MAP3K4: variants seen among roughly 807,000 people sequenced by gnomAD.
MAP3K4 encodes MAP three kinase 1.
In MAP3K4, 67 loss-of-function variants were observed where a neutral mutation model predicts 185.6. That is an observed-to-expected ratio of 0.36 (90% CI 0.30 to 0.44). MAP3K4 has a LOEUF of 0.44. MAP3K4 is among the 20% of genes least tolerant of loss of function. The pLI is 1.00. For synonymous variants in MAP3K4, 702 were observed against 710.4 expected, an observed-to-expected ratio of 0.99 and a Z score of 0.19; for missense variants, 1,551 against 1,995.1, an observed-to-expected ratio of 0.78 and a Z score of 4.24.
intron 1 of MAP3K4, among the ~76,000 whole-genome samples, chr6:161,011,970 T>C (rs1384611670): frequency 6.6e-6 from 1 of 152,196 alleles, no homozygotes; most frequent in East Asian, 1.9e-4. Flanking sequence ...GCCTAGTGAC[T>C]GAGTCCTTTA....
chr6:161,080,732 G>A lies in MAP3K4; in HGVS notation c.2098-149G>A. ...CTCATTTAGACCTCAGCTAACAGTG[G>A]TGAGAACCTTGCTTCTGTCGGTGCT... On this transcript the variant is annotated intron_variant, in intron 5 of 26. Transcript: ENST00000392142. The surrounding 1 kb of genome is among the most constrained non-coding windows in gnomAD (Gnocchi z 4.8). The A allele has an allele frequency of 3.1e-6, 2 of 650,574 alleles. No individual in the cohort carries two copies. Among genetic ancestry groups the A allele is most frequent in the Non-Finnish European group, 5.4e-6 (2 of 368,884 alleles). The allele number at this position is 650,574 out of a possible 1,614,324, so 40.3% of individuals were successfully genotyped here. A position where few individuals can be genotyped will look rare whatever the true frequency, so the allele number is the denominator to read the frequency against.
intron 6 of MAP3K4, 26 bp downstream of exon 6, chr6:161,081,064 C>G (rs755113070): frequency 2.5e-6 from 4 of 1,608,472 alleles, no homozygotes; most frequent in Non-Finnish European, 3.4e-6. Context: ...CTTCTGAACG[C>G]GACGCTCCCA....
At position 161,097,064 on chromosome 6, in the gene MAP3K4, C is replaced by T. The variant is rs781306349; in HGVS notation, c.3428-16C>T. 5 of 1,609,368 alleles carry T rather than the reference C, an allele frequency of 3.1e-6. No homozygotes were observed. The South Asian group carries it at 5.5e-5, about 18-fold the overall frequency. On this transcript the variant is annotated splice_polypyrimidine_tract_variant and intron_variant, in intron 15 of 26. Transcript: ENST00000392142. This position sits in a 1 kb window ranked among gnomAD's most constrained non-coding sequence, Gnocchi z 4.9. ...CCATATTAACAAGTTGCATTTGTTGCCATTTTTGCTGGCAGCCATTCATCG... is the reference window on the plus strand; with the variant it reads ...CCATATTAACAAGTTGCATTTGTTGTCATTTTTGCTGGCAGCCATTCATCG...
chr6:161,041,642 CG>C (rs1364817445), intron 2 of MAP3K4, among the ~76,000 whole-genome samples: 1 of 152,182 alleles, frequency 6.6e-6, no homozygotes, highest in Non-Finnish European at 1.5e-5. Context: ...CCTGATGCCT[CG>C]GACATGGCCC....
At chr6:161,014,385 T>G (rs1002630972) in intron 1 of MAP3K4, among the ~76,000 whole-genome samples, 1 of 152,236 alleles carries the variant, frequency 6.6e-6, no homozygotes, top group Non-Finnish European at 1.5e-5. Flanking sequence ...GTAAGTAGGT[T>G]TGCTTTCCTT....
At chr6:161,055,959 T>C (rs1343491126) in intron 3 of MAP3K4, among the ~76,000 whole-genome samples, 1 of 152,254 alleles carries the variant, frequency 6.6e-6, no homozygotes, top group Non-Finnish European at 1.5e-5. Flanking sequence ...TTTCTCCAGA[T>C]GGAAGTTTTG....
Position 161,086,228 on chromosome 6 carries a change from T to A in MAP3K4, c.2373-151T>A. ...CAGGCTTCTGAATGTTTTGACTACA[T>A]CTTCAATAATAGTTTGTTCCCATTT... is the stretch of plus-strand genomic sequence containing the variant. On this transcript the variant is annotated intron_variant, in intron 7 of 26. Transcript: ENST00000392142. The surrounding 1 kb of genome is among the most constrained non-coding windows in gnomAD (Gnocchi z 4.8). 1 of 494,350 alleles carries A rather than the reference T, an allele frequency of 2.0e-6. No homozygotes were observed. The highest frequency in any genetic ancestry group is 3.6e-6 in the Non-Finnish European group (1 of 280,458). 30.6% of individuals were successfully genotyped at this position (494,350 alleles called of 1,614,324 possible). A position where few individuals can be genotyped will look rare whatever the true frequency, so the allele number is the denominator to read the frequency against.
intron 3 of MAP3K4, among the ~76,000 whole-genome samples, chr6:161,059,100 A>G (rs2314378): frequency 0.21 from 32,309 of 151,972 alleles, 4,731 homozygotes; most frequent in African/African-American, 0.42. Flanking sequence ...CCTCATTTTT[A>G]TAACCATGAT....
rs181155238 is a variant in MAP3K4 at position 161,048,447 on chromosome 6, C to T, written c.344-169C>T. Among the ~76,000 whole-genome samples the T allele has an allele frequency of 2.9e-3, 447 of 152,082 alleles. 4 individuals are homozygous for T. The highest frequency in any genetic ancestry group is 0.01 in the African/African-American group (433 of 41,476). On this transcript the variant is annotated intron_variant, in intron 2 of 26. Transcript: ENST00000392142. The surrounding 1 kb of genome is among the most constrained non-coding windows in gnomAD (Gnocchi z 4.7). ...ATTTTTTTTAAAATATAGAAAATGT[C>T]ATATATATTTTTTGATTCCTTTAAT... is the stretch of plus-strand genomic sequence containing the variant.
chr6:161,054,236 C>G lies in MAP3K4; in HGVS notation c.1707+4257C>G, dbSNP rs1467985708. On this transcript the variant is annotated intron_variant, in intron 3 of 26. Transcript: ENST00000392142. The surrounding 1 kb of genome is among the most constrained non-coding windows in gnomAD (Gnocchi z 4.2). Reference sequence around the variant, plus strand: ...ATGGCGCTATCTCAGCTCCCTGAGACCTTTGCCTTGGGGGTTCAGGCTATT... The same window carrying G: ...ATGGCGCTATCTCAGCTCCCTGAGAGCTTTGCCTTGGGGGTTCAGGCTATT... 6.6e-6 allele frequency among the ~76,000 whole-genome samples: 1 copy of G among 152,024 alleles called. No individual in the cohort carries two copies. Among genetic ancestry groups the G allele is most frequent in the Non-Finnish European group, 1.5e-5 (1 of 68,026 alleles).
chr6:161,038,838 C>T (rs188342133), intron 2 of MAP3K4, among the ~76,000 whole-genome samples: 8 of 152,294 alleles, frequency 5.3e-5, no homozygotes, highest in East Asian at 1.9e-4. Flanking sequence ...CAAACATCCA[C>T]GATGGCTCCC....
At chr6:161,025,056 A>G (rs1043522652) in intron 1 of MAP3K4, among the ~76,000 whole-genome samples, 2 of 152,006 alleles carry the variant, frequency 1.3e-5, no homozygotes, top group Admixed American at 6.6e-5. Context: ...GTAGTTATCA[A>G]TATGGGCTCA....
rs1189573700 is a variant in MAP3K4, at chr6:161,109,717, A to G, written c.4237-38A>G. ...TTTTCACTAGCGTACATCTAAGGAAAACCGTAAACACAGAGCTGCCCTTTA... is the reference window on the plus strand; with the variant it reads ...TTTTCACTAGCGTACATCTAAGGAAGACCGTAAACACAGAGCTGCCCTTTA... On this transcript the variant is annotated intron_variant, in intron 22 of 26. Transcript: ENST00000392142. This position sits in a 1 kb window ranked among gnomAD's most constrained non-coding sequence, Gnocchi z 5.7. 1 of 1,612,368 alleles carries G rather than the reference A, an allele frequency of 6.2e-7. No homozygotes were observed. The highest frequency in any genetic ancestry group is 1.7e-5 in the Admixed American group (1 of 59,930).
rs914975283 is a variant in MAP3K4 at position 161,084,797 on chromosome 6, G to T, written c.2372+180G>T. Among the ~76,000 whole-genome samples the T allele has an allele frequency of 6.6e-6, 1 of 152,172 alleles. No homozygotes were observed. Among genetic ancestry groups the T allele is most frequent in the South Asian group, 2.1e-4 (1 of 4,836 alleles). ...CTTTTCATGTGATTTCTTAGTTATG[G>T]TTTTATGTGAAATTTTCTTTGAAGG... On this transcript the variant is annotated intron_variant, in intron 7 of 26. Coordinates refer to ENST00000392142, the MANE Select transcript of MAP3K4 (RefSeq NM_005922.4). This position sits in a 1 kb window ranked among gnomAD's most constrained non-coding sequence, Gnocchi z 4.6.
chr6:161,001,232 A>G (rs1013029861), intron 1 of MAP3K4, among the ~76,000 whole-genome samples: 10 of 150,996 alleles, frequency 6.6e-5, no homozygotes, highest in African/African-American at 2.4e-4. Context: ...ATTTACAAAA[A>G]TATTTTTATC....
rs184993761 is a variant in MAP3K4, at chr6:161,043,987, A to G, written c.344-4629A>G. On this transcript the variant is annotated intron_variant, in intron 2 of 26. Transcript: ENST00000392142. This position sits in a 1 kb window ranked among gnomAD's most constrained non-coding sequence, Gnocchi z 4.3. The stretch of plus-strand genomic sequence containing the variant: ...TCTAAAGAGCCATTTTTAGTTGTAG[A>G]TGGTGGGAATTCATTTGTTTGTCTT... Among the ~76,000 whole-genome samples, 3 of 152,238 alleles carry G rather than the reference A, an allele frequency of 2.0e-5. No individual in the cohort carries two copies. The highest frequency in any genetic ancestry group is 4.4e-5 in the Non-Finnish European group (3 of 68,042).
At chr6:161,001,907 AAG>A (rs1781337288) in intron 1 of MAP3K4, among the ~76,000 whole-genome samples, 1 of 152,282 alleles carries the variant, frequency 6.6e-6, no homozygotes, top group East Asian at 1.9e-4. Context: ...CTTAAGGTAA[AAG>A]AGGCAAATCC....
intron 2 of MAP3K4, among the ~76,000 whole-genome samples, chr6:161,039,034 G>T (rs184632258): frequency 1.3e-5 from 2 of 152,088 alleles, no homozygotes; most frequent in African/African-American, 4.8e-5. Context: ...GGTGGAAATC[G>T]CAGGCCTTCT....
At chr6:161,028,978 A>AGCT (rs1562491133) in intron 1 of MAP3K4, among the ~76,000 whole-genome samples, 1 of 152,198 alleles carries the variant, frequency 6.6e-6, no homozygotes. Context: ...AACTGAGCTT[A>AGCT]GCTCCCTTTG....
Sources: allele counts gnomAD v4.1 joint callset (sites outside exome capture counted in the v4.1 genomes callset), GRCh38; gene constraint gnomAD v4.1.1; non-coding constraint Gnocchi (gnomAD v3.1); transcripts MANE v1.5; gene names NCBI Gene and HGNC (gene_info 2026-07-23, HGNC 2026-07-21).